The following TTC24 variants were observed in gnomAD, a reference collection of about 807,000 sequenced individuals.
The protein encoded by TTC24 is tetratricopeptide repeat domain 24.
Under a neutral mutation model 63.3 loss-of-function variants are expected in TTC24, and 54 were observed. That is an observed-to-expected ratio of 0.85 (90% confidence interval 0.69 to 1.07). The LOEUF is 1.07. Ranked by LOEUF, TTC24 falls within the 50% of genes least tolerant of loss-of-function variation. The pLI is 0.00. For missense variants in TTC24, 680 were observed against 730.5 expected, an observed-to-expected ratio of 0.93 and a Z score of 0.80; for synonymous variants, 276 against 304.3, an observed-to-expected ratio of 0.91 and a Z score of 0.97.
Position 156,581,792 on chromosome 1 carries a change from C to A in TTC24, c.428C>A (p.Ala143Asp). The change falls in exon 2 of 11, where the codon GCC becomes GAC. Residue 143 changes from alanine (A) to aspartate (D), a missense_variant. Physicochemically the swap from Ala to Asp is moderately radical, Grantham distance 126 (BLOSUM62 -2). Coordinates refer to ENST00000368236, the MANE Select transcript of TTC24 (RefSeq NM_001105669.4). ...LPQALAWYHR[A>D]LGHYQPQGDQ... ...CAAGCTTTGGCCTGGTACCACAGGG[C>A]CCTGGGCCACTACCAGCCACAGGGT... 6.4e-7 allele frequency: 1 copy of A among 1,551,638 alleles called. No homozygotes were observed. Among genetic ancestry groups the A allele is most frequent in the Non-Finnish European group, 8.7e-7 (1 of 1,147,000 alleles).
Position 156,582,002 on chromosome 1 carries a change from G to C in TTC24, c.638G>C (p.Gly213Ala). ...CTGAAGAGTGGGCGGCATCGGGTGG[G>C]GGAAGTTGTGCAGGTGCTGGAGAAA... Reference protein sequence around the residue: ...CMLKSGRHRVGEVVQVLEKSR... With the variant: ...CMLKSGRHRVAEVVQVLEKSR... The change falls in exon 2 of 11, where the codon GGG (glycine) becomes GCG (alanine). Residue 213 changes from glycine to alanine, a missense_variant. Gly to Ala is a moderately conservative substitution (Grantham distance 60). Transcript: ENST00000368236. 1 of 1,501,884 alleles carries C rather than the reference G, an allele frequency of 6.7e-7. No individual in the cohort carries two copies. Among genetic ancestry groups the C allele is most frequent in the Non-Finnish European group, 8.9e-7 (1 of 1,127,758 alleles). The allele number at this position is 1,501,884 out of a possible 1,614,324, so 93.0% of individuals were successfully genotyped here. A position where few individuals can be genotyped will look rare whatever the true frequency, so the allele number is the denominator to read the frequency against.
chr1:156,583,264 G>C lies in TTC24; in HGVS notation c.1040-74G>C, dbSNP rs1470904564. On this transcript the variant is annotated intron_variant, in intron 4 of 10. Coordinates refer to ENST00000368236, the MANE Select transcript of TTC24 (RefSeq NM_001105669.4). The surrounding 1 kb of genome is among the most constrained non-coding windows in gnomAD (Gnocchi z 4.0). ...AGGCAGATGGGGGGAACTGAGGGTAGGGAGTGCCTCTGAGGGGGTGGATCA... is the reference window on the plus strand; with the variant it reads ...AGGCAGATGGGGGGAACTGAGGGTACGGAGTGCCTCTGAGGGGGTGGATCA... 2 of 1,609,268 alleles carry C rather than the reference G, an allele frequency of 1.2e-6. No individual in the cohort carries two copies. The highest frequency in any genetic ancestry group is 1.7e-6 in the Non-Finnish European group (2 of 1,177,962).
In TTC24 at chr1:156,585,696, C is replaced by T. The variant is rs768027069; in HGVS notation, c.1457-17C>T. 1.1e-5 allele frequency: 17 copies of T among 1,581,824 alleles called. No individual in the cohort carries two copies. The highest frequency in any genetic ancestry group is 1.3e-5 in the African/African-American group (1 of 74,304). ...ACTTGTTGAGCTGACCTGAATTTAC[C>T]GATGTCTCCTTTTCAGTGTGTTTCC... On this transcript the variant is annotated splice_polypyrimidine_tract_variant and intron_variant, in intron 8 of 10. Coordinates refer to ENST00000368236, the MANE Select transcript of TTC24 (RefSeq NM_001105669.4).
At position 156,584,938 on chromosome 1, in the gene TTC24, C is replaced by G. The variant is rs769655801; in HGVS notation, c.1313C>G (p.Ala438Gly). ...GGASQAEGTP[A>G]KAGSSTAGVQ... Reference sequence around the variant, plus strand: ...GCCAGCCAGGCGGAGGGGACCCCAGCAAAGGCAGGAAGCAGCACAGCAGGT... The same window carrying G: ...GCCAGCCAGGCGGAGGGGACCCCAGGAAAGGCAGGAAGCAGCACAGCAGGT... Residue 438 changes from alanine (A) to glycine (G), a missense_variant, in exon 7 of 11, where the codon GCA becomes GGA. Ala to Gly is a moderately conservative substitution (Grantham distance 60, BLOSUM62 0). Transcript: ENST00000368236. 5 of 1,604,164 alleles carry G rather than the reference C, an allele frequency of 3.1e-6. No individual in the cohort carries two copies. In the South Asian group the frequency reaches 4.5e-5, roughly 14 times the overall value.
In TTC24 at chr1:156,585,232, G is replaced by A. The variant is rs767259956; in HGVS notation, c.1456+1G>A. 36 of 1,608,138 alleles carry A rather than the reference G, an allele frequency of 2.2e-5. 1 individual carries two copies. The Middle Eastern group carries it at 5.0e-4, about 22-fold the overall frequency. ...AGGGCTGGGCCGGGAAGACCAGAGC[G>A]TGAGTTGATGTAGAGTATTCCTGGC... On this transcript the variant is annotated splice_donor_variant, in intron 8 of 10. Coordinates refer to ENST00000368236, the MANE Select transcript of TTC24 (RefSeq NM_001105669.4). LOFTEE classifies it high-confidence loss of function.
In TTC24 at chr1:156,583,519, A is replaced by G; in HGVS notation, c.1152+69A>G. The G allele has an allele frequency of 7.7e-7, 1 of 1,293,100 alleles. No individual in the cohort carries two copies. 80.1% of individuals were successfully genotyped at this position (1,293,100 alleles called of 1,614,324 possible). ...TCTTCTGGCTGACATTCCTGCCTTC[A>G]CTCCTTGTCTTCTCCCCATCACTCA... is the stretch of plus-strand genomic sequence containing the variant. On this transcript the variant is annotated intron_variant, in intron 5 of 10. Transcript: ENST00000368236. This position sits in a 1 kb window ranked among gnomAD's most constrained non-coding sequence, Gnocchi z 4.0.
In TTC24 at chr1:156,581,846, G is replaced by A; in HGVS notation, c.482G>A (p.Gly161Glu). Reference sequence around the variant, plus strand: ...CAGGGAGAAGCCTGGGCAAAAATGGGAGCCTGCTACCAGGCTCTGGGACAG... The same window carrying A: ...CAGGGAGAAGCCTGGGCAAAAATGGAAGCCTGCTACCAGGCTCTGGGACAG... ...GDQGEAWAKM[G>E]ACYQALGQPE... The change falls in exon 2 of 11, where the codon GGA (glycine) becomes GAA (glutamate). Residue 161 changes from glycine to glutamate, a missense_variant. Gly to Glu is a moderately conservative substitution (Grantham distance 98). Coordinates refer to ENST00000368236, the MANE Select transcript of TTC24 (RefSeq NM_001105669.4). The A allele has an allele frequency of 1.3e-6, 2 of 1,550,232 alleles. No individual in the cohort carries two copies. Among genetic ancestry groups the A allele is most frequent in the Non-Finnish European group, 1.7e-6 (2 of 1,146,026 alleles).
intron 1 of TTC24, 110 bp downstream of exon 1, chr1:156,579,868 G>C (rs1411088087): frequency 6.6e-6 from 1 of 152,106 alleles, no homozygotes; most frequent in African/African-American, 2.4e-5. Flanking sequence ...AGAAGCAGGG[G>C]GAATTTCTTT....
chr1:156,583,966 AGAG>A lies in TTC24; in HGVS notation c.1251+72_1251+74del. On this transcript the variant is annotated intron_variant, in intron 6 of 10. Transcript: ENST00000368236. This position sits in a 1 kb window ranked among gnomAD's most constrained non-coding sequence, Gnocchi z 4.0. ...CCCAGAGAAGGGGTTGGTGGTAAGC[AGAG>A]ACGCTGTTCCCTGGGATGCTGCGCG... is the stretch of plus-strand genomic sequence containing the variant. 1 of 1,356,332 alleles carries A rather than the reference AGAG, an allele frequency of 7.4e-7. No individual in the cohort carries two copies. Among genetic ancestry groups the A allele is most frequent in the Non-Finnish European group, 1.0e-6 (1 of 971,372 alleles). 84.0% of individuals were successfully genotyped at this position (1,356,332 alleles called of 1,614,324 possible).
intron 8 of TTC24, 98 bp from the exon 9 acceptor site, chr1:156,585,614 AC>A (rs1677134029): frequency 1.2e-6 from 1 of 860,500 alleles, no homozygotes; most frequent in Admixed American, 1.8e-5. Flanking sequence ...ACCCCAGCTC[AC>A]TACTCAATAG....
Position 156,585,151 on chromosome 1 carries a change from A to C in TTC24, c.1376A>C (p.Glu459Ala), listed in dbSNP as rs41267381. ...TCTTCCAGTGGGTGGGAAGATGAAG[A>C]GTTTGAGGAGGGCCACCAGAAGAAA... is the stretch of plus-strand genomic sequence containing the variant. ...HRSSSGWEDEEFEEGHQKKKE... is the reference protein window; with the variant it reads ...HRSSSGWEDEAFEEGHQKKKE... Residue 459 changes from glutamate (E) to alanine (A), a missense_variant, in exon 8 of 11, where the codon GAG (glutamate) becomes GCG (alanine). Transcript: ENST00000368236. 410 of 1,613,162 alleles carry C rather than the reference A, an allele frequency of 2.5e-4. No homozygotes were observed. The highest frequency in any genetic ancestry group is 8.0e-4 in the Admixed American group (48 of 59,892).
At position 156,581,544 on chromosome 1, in the gene TTC24, G is replaced by A; in HGVS notation, c.180G>A (p.Gln60=). The change falls in exon 2 of 11, where the codon CAG becomes CAA. Residue 60 remains glutamine, a synonymous_variant. Transcript: ENST00000368236. ...GQNHEALNNF[Q]RAFLLASKAP... ...ACCATGAAGCCTTGAACAACTTCCA[G>A]AGGGCCTTCCTTCTGGCCTCCAAGG... 6.4e-7 allele frequency: 1 copy of A among 1,551,304 alleles called. No individual in the cohort carries two copies. The highest frequency in any genetic ancestry group is 8.7e-7 in the Non-Finnish European group (1 of 1,146,722).
chr1:156,582,950 C>T, intron 3 of TTC24, 92 bp from the exon 4 acceptor site: 1 of 1,506,710 alleles, frequency 6.6e-7, no homozygotes, highest in Non-Finnish European at 8.9e-7. Context: ...CACCAGGCCT[C>T]CTGGGAGGTC....
Position 156,583,222 on chromosome 1 carries a change from C to T in TTC24, c.1039+52C>T. On this transcript the variant is annotated intron_variant, in intron 4 of 10. Transcript: ENST00000368236. This position sits in a 1 kb window ranked among gnomAD's most constrained non-coding sequence, Gnocchi z 4.0. Reference sequence around the variant, plus strand: ...CTGGGACAGTGGGGAGGCTGAGGGTCCTAGGGGCTGGCGGGGAGGCAGATG... The same window carrying T: ...CTGGGACAGTGGGGAGGCTGAGGGTTCTAGGGGCTGGCGGGGAGGCAGATG... The T allele has an allele frequency of 1.2e-6, 2 of 1,609,618 alleles. No homozygotes were observed. The highest frequency in any genetic ancestry group is 1.7e-6 in the Non-Finnish European group (2 of 1,178,176).
At chr1:156,582,198 C>A in intron 2 of TTC24, 33 bp from the exon 3 acceptor site, 1 of 1,527,304 alleles carries the variant, frequency 6.5e-7, no homozygotes, top group South Asian at 1.2e-5. Context: ...TATATCTGGT[C>A]TGGCTACCAG....
Position 156,583,289 on chromosome 1 carries a change from A to AGT in TTC24, c.1040-47_1040-46dup. On this transcript the variant is annotated intron_variant, in intron 4 of 10. Transcript: ENST00000368236. The surrounding 1 kb of genome is among the most constrained non-coding windows in gnomAD (Gnocchi z 4.0). ...GGGAGTGCCTCTGAGGGGGTGGATCAGTGGGGTAGGAAGTCATGAAAGGAC... is the reference window on the plus strand; with the variant it reads ...GGGAGTGCCTCTGAGGGGGTGGATCAGTGTGGGGTAGGAAGTCATGAAAGGAC... The AGT allele has an allele frequency of 1.2e-6, 2 of 1,605,986 alleles. No individual in the cohort carries two copies. Among genetic ancestry groups the AGT allele is most frequent in the South Asian group, 2.2e-5 (2 of 90,098 alleles).
chr1:156,580,685 C>T (rs1571380900), intron 1 of TTC24, among the ~76,000 whole-genome samples: 1 of 152,138 alleles, frequency 6.6e-6, no homozygotes, highest in East Asian at 1.9e-4. Context: ...ACCATGTTGG[C>T]CAGGCTGGTC....
At chr1:156,585,861 G>T (rs376635857) in intron 9 of TTC24, 35 bp downstream of exon 9, 4 of 1,595,364 alleles carry the variant, frequency 2.5e-6, no homozygotes, top group Non-Finnish European at 3.4e-6. Context: ...GCCCCAACTC[G>T]TGGTTCTTCT....
At position 156,586,687 on chromosome 1, in the gene TTC24, C is replaced by G. The variant is rs1434438440; in HGVS notation, c.*137C>G. On this transcript the variant is annotated 3_prime_UTR_variant, in exon 11 of 11. Transcript: ENST00000368236. Reference sequence around the variant, plus strand: ...GGAACACAGTGCAGCCAGTGGACTCCTGAGGAGGCTGGCCAAGGGCTTTGC... The same window carrying G: ...GGAACACAGTGCAGCCAGTGGACTCGTGAGGAGGCTGGCCAAGGGCTTTGC... 7.0e-6 allele frequency: 5 copies of G among 717,404 alleles called. No individual in the cohort carries two copies. Among genetic ancestry groups the G allele is most frequent in the Admixed American group, 2.6e-5 (1 of 38,590 alleles). The allele number at this position is 717,404 out of a possible 1,614,324, so 44.4% of individuals were successfully genotyped here. A position where few individuals can be genotyped will look rare whatever the true frequency, so the allele number is the denominator to read the frequency against.
Sources: allele counts gnomAD v4.1 joint callset (sites outside exome capture counted in the v4.1 genomes callset), GRCh38; gene constraint gnomAD v4.1.1; non-coding constraint Gnocchi (gnomAD v3.1); transcripts MANE v1.5; gene names NCBI Gene and HGNC (gene_info 2026-07-23, HGNC 2026-07-21).